The following MGAM variants were observed in gnomAD, a reference collection of about 807,000 sequenced individuals.
MGAM encodes the protein maltase-glucoamylase.
In MGAM, 253 loss-of-function variants were observed where a neutral mutation model predicts 358.8. That is an observed-to-expected ratio of 0.71 (90% CI 0.64 to 0.78). The LOEUF is 0.78. Among genes scored for constraint, MGAM ranks in the 30% least tolerant of loss-of-function variants. The pLI is 0.00. For synonymous variants in MGAM, 1,105 were observed against 1,227.1 expected (o/e 0.90, Z 2.08); for missense variants, 3,080 against 3,432.6 (o/e 0.90, Z 2.57).
intron 12 of MGAM, 70 bp downstream of exon 12, chr7:142,030,827 T>C (rs1326261730): frequency 4.9e-6 from 4 of 813,952 alleles, no homozygotes; most frequent in Non-Finnish European, 6.1e-6. Flanking sequence ...TCTGTGTGTG[T>C]GTGTGTGTGT....
chr7:142,050,936 T>C, intron 24 of MGAM, 72 bp downstream of exon 24: 7 of 1,602,280 alleles, frequency 4.4e-6, no homozygotes, highest in African/African-American at 1.3e-5. Flanking sequence ...TCTTGCCAAG[T>C]TTGCATGGGT....
upstream of MGAM, among the ~76,000 whole-genome samples, chr7:141,995,245 CAA>C (rs60373445): frequency 4.5e-5 from 6 of 134,212 alleles, no homozygotes; most frequent in Non-Finnish European, 1.7e-5. Context: ...AAAAGCCAAC[CAA>C]AAAAAAAAAA....
intron 68 of MGAM, among the ~76,000 whole-genome samples, chr7:142,101,492 T>C (rs1193610451): frequency 1.3e-5 from 2 of 151,598 alleles, no homozygotes; most frequent in African/African-American, 4.9e-5. Flanking sequence ...TTTTTAATTT[T>C]ATTCAATCTT....
At chr7:142,095,489 T>C (rs375169042) in intron 63 of MGAM, 76 bp from the exon 64 acceptor site, 4 of 1,595,966 alleles carry the variant, frequency 2.5e-6, no homozygotes, top group Middle Eastern at 2.3e-4. Flanking sequence ...TCAATTGGAG[T>C]ATGCTTTCAG....
intron 57 of MGAM, among the ~76,000 whole-genome samples, chr7:142,087,425 C>G: frequency 6.8e-6 from 1 of 146,182 alleles, no homozygotes; most frequent in Admixed American, 6.9e-5. Context: ...AGGCTACGGC[C>G]CCATCCTCTG....
At position 142,095,576 on chromosome 7, in the gene MGAM, T is replaced by C. The variant is rs1362321331; in HGVS notation, c.7470T>C (p.Pro2490=). ...TCTTTCTCCTTTAGAGACAAGACCC[T>C]GTGTCCTGGGATGTTGCTTTTGTGA... ...HNTIGTRRQD[P]VSWDVAFVNI... The change falls in exon 64 of 71, where the codon CCT becomes CCC. Residue 2490 remains proline (P), a synonymous_variant. Transcript: ENST00000475668. 2 of 1,613,554 alleles carry C rather than the reference T, an allele frequency of 1.2e-6. No individual in the cohort carries two copies. The highest frequency in any genetic ancestry group is 1.7e-6 in the Non-Finnish European group (2 of 1,179,728).
At chr7:142,040,431 G>T in intron 20 of MGAM, 1 of 580,394 alleles carries the variant, frequency 1.7e-6, no homozygotes, top group Non-Finnish European at 3.0e-6. Context: ...AATATTGGAG[G>T]AACTGATGGA....
At chr7:142,064,564 C>T (rs374048326) in intron 37 of MGAM, 42 bp downstream of exon 37, 50 of 1,553,268 alleles carry the variant, frequency 3.2e-5, no homozygotes, top group East Asian at 9.7e-5. Context: ...CAACCTATAG[C>T]GATTGCCAGT....
chr7:142,059,127 C>G (rs1811839199), intron 31 of MGAM, among the ~76,000 whole-genome samples: 1 of 152,150 alleles, frequency 6.6e-6, no homozygotes, highest in Non-Finnish European at 1.5e-5. Flanking sequence ...ACCACTGATA[C>G]CAGGGGCAGC....
Position 142,091,500 on chromosome 7 carries a change from A to G in MGAM, c.6811-413A>G, listed in dbSNP as rs1201418105. On this transcript the variant is annotated intron_variant, in intron 57 of 70. Transcript: ENST00000475668. Reference sequence around the variant, plus strand: ...CCTCCCCTCTCGCAGTGGGAATGACATAGGAGGGAGTCCCTGGGTGTTTCT... The same window carrying G: ...CCTCCCCTCTCGCAGTGGGAATGACGTAGGAGGGAGTCCCTGGGTGTTTCT... Among the ~76,000 whole-genome samples, 2 of 145,794 alleles carry G rather than the reference A, an allele frequency of 1.4e-5. 1 individual carries two copies. Among genetic ancestry groups the G allele is most frequent in the Non-Finnish European group, 3.1e-5 (2 of 64,528 alleles).
At position 142,055,718 on chromosome 7, in the gene MGAM, C is replaced by T. The variant is rs964230745; in HGVS notation, c.3475C>T (p.Pro1159Ser). 1.2e-6 allele frequency: 2 copies of T among 1,613,746 alleles called. No individual in the cohort carries two copies. Among genetic ancestry groups the T allele is most frequent in the African/African-American group, 2.7e-5 (2 of 74,878 alleles). The change falls in exon 28 of 71, where the codon CCC (proline) becomes TCC (serine). Residue 1159 changes from proline (P) to serine (S), a missense_variant. Physicochemically the swap from Pro to Ser is moderately conservative, Grantham distance 74 (BLOSUM62 -1). This residue lies in a region of MGAM where 1,816 missense variants were observed against 1,840.5 expected (regional missense o/e 0.99). Transcript: ENST00000475668. ...HTWGMFSRDQPPGYKKNSYGV... is the reference protein window; with the variant it reads ...HTWGMFSRDQSPGYKKNSYGV... ...TTGGGGGATGTTCTCCCGAGACCAG[C>T]CCCCAGGGGTAAGGACAGAGCATTT...
chr7:142,011,958 A>G (rs1247076533), intron 3 of MGAM, among the ~76,000 whole-genome samples: 1 of 152,218 alleles, frequency 6.6e-6, no homozygotes, highest in Non-Finnish European at 1.5e-5. Context: ...AAAATAGCCT[A>G]CATTTAAGAT....
intron 35 of MGAM, among the ~76,000 whole-genome samples, chr7:142,062,937 G>A (rs1472284657): frequency 2.0e-5 from 3 of 152,182 alleles, no homozygotes; most frequent in African/African-American, 4.8e-5. Context: ...GGTGGTTCAC[G>A]CCTGTAATCC....
intron 1 of MGAM, chr7:142,004,366 A>G (rs782614530): frequency 5.3e-5 from 8 of 152,054 alleles, no homozygotes; most frequent in Non-Finnish European, 8.8e-5. Context: ...CATCCATAAA[A>G]AACAATGAAA....
Position 142,083,405 on chromosome 7 carries a change from T to C in MGAM, c.6373T>C (p.Tyr2125His). 2 of 1,543,630 alleles carry C rather than the reference T, an allele frequency of 1.3e-6. 1 individual carries two copies. The highest frequency in any genetic ancestry group is 2.3e-5 in the South Asian group (2 of 87,664). The stretch of plus-strand genomic sequence containing the variant: ...AACTCCAGAGCTTGTCACCCAGCAG[T>C]ACACTGAGGTAGGGAGAAATCCAAT... ...GPTPELVTQQYTELIGRPVMV... is the reference protein window; with the variant it reads ...GPTPELVTQQHTELIGRPVMV... Residue 2125 changes from tyrosine (Y) to histidine (H), a missense_variant, in exon 53 of 71, where the codon TAC (tyrosine) becomes CAC (histidine). By Grantham distance (83) the Tyr-to-His change is moderately conservative (BLOSUM62 2). Coordinates refer to ENST00000475668, the MANE Select transcript of MGAM (RefSeq NM_001365693.1).
intron 1 of MGAM, among the ~76,000 whole-genome samples, chr7:142,004,016 G>A (rs146734946): frequency 6.6e-6 from 1 of 151,946 alleles, no homozygotes; most frequent in South Asian, 2.1e-4. Flanking sequence ...GGTCAGAATG[G>A]CTATTATTGA....
In MGAM at chr7:142,041,902, ATATTATAT is replaced by A. The variant is rs1283341124; in HGVS notation, c.2498+1057_2498+1064del. Among the ~76,000 whole-genome samples the A allele has an allele frequency of 3.8e-3, 164 of 43,366 alleles. 11 individuals carry two copies. The highest frequency in any genetic ancestry group is 0.023 in the African/African-American group (154 of 6,844). The allele number at this position is 43,366 out of a possible 152,430, so 28.4% of individuals were successfully genotyped here. A position where few individuals can be genotyped will look rare whatever the true frequency, so the allele number is the denominator to read the frequency against. On this transcript the variant is annotated intron_variant, in intron 21 of 70. Transcript: ENST00000475668. Reference sequence around the variant, plus strand: ...TATATACGTATAATATATAATATATATATTATATATATACGTATAATATATAATATATA... The same window carrying A: ...TATATACGTATAATATATAATATATAATATACGTATAATATATAATATATA...
chr7:142,020,683 T>C (rs3793160), intron 4 of MGAM, among the ~76,000 whole-genome samples: 69,446 of 148,730 alleles, frequency 0.47, 16,706 homozygotes, highest in East Asian at 0.65. Flanking sequence ...CACTGCAACC[T>C]CCACCTCTGG....
intron 21 of MGAM, among the ~76,000 whole-genome samples, chr7:142,043,083 A>C (rs1809261515): frequency 1.8e-5 from 1 of 54,948 alleles, no homozygotes; most frequent in Non-Finnish European, 3.0e-5. Context: ...ATCTAAATAT[A>C]ATATATATAT....
Sources: gnomAD v4.1 joint callset for allele counts (sites outside exome capture counted in the v4.1 genomes callset) on GRCh38, gnomAD v4.1.1 for gene constraint, gnomAD v4.1.1 regional missense constraint, MANE v1.5 for transcripts, NCBI Gene and HGNC (gene_info 2026-07-23, HGNC 2026-07-21) for gene names.